The following OR6C3 variants were observed in gnomAD, a reference collection of about 807,000 sequenced individuals.
OR6C3 encodes olfactory receptor 6C3.
For synonymous variants in OR6C3, 177 were observed against 137.4 expected, an observed-to-expected ratio of 1.29 and a Z score of -2.02; for missense variants, 487 against 364.6, an observed-to-expected ratio of 1.34 and a Z score of -2.73.
chr12:55,332,234 T>C lies in OR6C3; in HGVS notation c.534T>C (p.Tyr178=), dbSNP rs766631150. 3.7e-6 allele frequency: 6 copies of C among 1,614,100 alleles called. No individual in the cohort carries two copies. In the South Asian group the frequency reaches 4.4e-5, roughly 12 times the overall value. The change falls in exon 2 of 2, where the codon TAT becomes TAC. Residue 178 remains tyrosine, a synonymous_variant. Coordinates refer to ENST00000641740, the MANE Select transcript of OR6C3 (RefSeq NM_001388498.1). The part of the protein sequence containing the change: ...SNVIDHFACD[Y]FPLLQLSCSD... The stretch of plus-strand genomic sequence containing the variant: ...TCATTGATCACTTTGCATGTGACTA[T>C]TTTCCCCTCTTACAACTATCTTGTT...
At position 55,331,695 on chromosome 12, in the gene OR6C3, C is replaced by A. The variant is rs750849246; in HGVS notation, c.-6C>A. 3.2e-6 allele frequency: 5 copies of A among 1,582,266 alleles called. No homozygotes were observed. The highest frequency in any genetic ancestry group is 1.7e-4 in the Middle Eastern group (1 of 5,952). ...GTGGAAGAAGGAGAGAGAGAAAGGA[C>A]GAGACATGAACCACACAATGGTCAC... On this transcript the variant is annotated 5_prime_UTR_variant, in exon 2 of 2. Transcript: ENST00000641740.
At chr12:55,330,522 G>A (rs911221332), upstream of OR6C3, among the ~76,000 whole-genome samples, 11 of 152,188 alleles carry the variant, frequency 7.2e-5, no homozygotes, top group African/African-American at 2.6e-4. Context: ...CTAAAATATG[G>A]AGGAGACAAC....
At position 55,331,639 on chromosome 12, in the gene OR6C3, C is replaced by T; in HGVS notation, c.-44-18C>T. On this transcript the variant is annotated intron_variant, in intron 1 of 1. Transcript: ENST00000641740. ...TCTATTTTCCTTAATTATCATTCTA[C>T]CAAAATATCTTTAAAAGAACAAAAA... The T allele has an allele frequency of 6.6e-6, 7 of 1,055,926 alleles. No homozygotes were observed. 65.4% of individuals were successfully genotyped at this position (1,055,926 alleles called of 1,614,324 possible).
At position 55,331,521 on chromosome 12, in the gene OR6C3, T is replaced by C. The variant is rs1868845459; in HGVS notation, c.-44-136T>C. The stretch of plus-strand genomic sequence containing the variant: ...GGACTTAGAAAAAAATATTAAAACA[T>C]AATGCAAACAAGATAGTCAAAACTG... On this transcript the variant is annotated intron_variant, in intron 1 of 1. Transcript: ENST00000641740. The C allele has an allele frequency of 8.0e-6, 4 of 500,980 alleles. No homozygotes were observed. The South Asian group carries it at 1.8e-4, about 22-fold the overall frequency. 31.0% of individuals were successfully genotyped at this position (500,980 alleles called of 1,614,324 possible).
Position 55,332,225 on chromosome 12 carries a change from A to C in OR6C3, c.525A>C (p.Ala175=), listed in dbSNP as rs1213126342. ...CTTCCAACGTCATTGATCACTTTGC[A>C]TGTGACTATTTTCCCCTCTTACAAC... ...YCASNVIDHF[A]CDYFPLLQLS... Residue 175 remains alanine (A), a synonymous_variant, in exon 2 of 2, where the codon GCA becomes GCC. Transcript: ENST00000641740. 1.9e-6 allele frequency: 3 copies of C among 1,613,976 alleles called. No homozygotes were observed. The highest frequency in any genetic ancestry group is 2.5e-6 in the Non-Finnish European group (3 of 1,180,028).
In OR6C3 at chr12:55,331,616, TA is replaced by T. The variant is rs552326201; in HGVS notation, c.-44-40del. On this transcript the variant is annotated intron_variant, in intron 1 of 1. Transcript: ENST00000641740. ...ATCATGATGAATTATATCTTTTATC[TA>T]TTTTCCTTAATTATCATTCTACCAA... 1.3e-3 allele frequency: 1,041 copies of T among 797,260 alleles called. 5 individuals are homozygous for T. The highest frequency in any genetic ancestry group is 0.012 in the African/African-American group (677 of 57,366). 49.4% of individuals were successfully genotyped at this position (797,260 alleles called of 1,614,324 possible). A position where few individuals can be genotyped will look rare whatever the true frequency, so the allele number is the denominator to read the frequency against.
At chr12:55,331,416 G>A (rs1307013823) in intron 1 of OR6C3, among the ~76,000 whole-genome samples, 4 of 152,040 alleles carry the variant, frequency 2.6e-5, no homozygotes, top group Non-Finnish European at 5.9e-5. Flanking sequence ...TTTATTAGCT[G>A]TTTCTCAGTG....
At position 55,331,720 on chromosome 12, in the gene OR6C3, C is replaced by G. The variant is rs1868854907; in HGVS notation, c.20C>G (p.Thr7Arg). The change falls in exon 2 of 2, where the codon ACA (threonine) becomes AGA (arginine). Residue 7 changes from threonine to arginine, a missense_variant. Thr to Arg is a moderately conservative substitution (Grantham distance 71). Coordinates refer to ENST00000641740, the MANE Select transcript of OR6C3 (RefSeq NM_001388498.1). Reference protein sequence around the residue: MNHTMVTEFVLLGLSDD... With the variant: MNHTMVREFVLLGLSDD... ...CGAGACATGAACCACACAATGGTCA[C>G]AGAGTTTGTCCTCCTGGGCCTTTCT... 1 of 1,612,488 alleles carries G rather than the reference C, an allele frequency of 6.2e-7. No individual in the cohort carries two copies. The highest frequency in any genetic ancestry group is 8.5e-7 in the Non-Finnish European group (1 of 1,178,792).
Position 55,332,544 on chromosome 12 carries a change from C to A in OR6C3, c.844C>A (p.Leu282Met). The A allele has an allele frequency of 1.2e-6, 2 of 1,613,528 alleles. No individual in the cohort carries two copies. Among genetic ancestry groups the A allele is most frequent in the Non-Finnish European group, 1.7e-6 (2 of 1,179,980 alleles). The change falls in exon 2 of 2, where the codon CTG (leucine) becomes ATG (methionine). Residue 282 changes from leucine to methionine, a missense_variant. Coordinates refer to ENST00000641740, the MANE Select transcript of OR6C3 (RefSeq NM_001388498.1). Reference sequence around the variant, plus strand: ...TCTCAATACATCTGTTGCCCCCATGCTGAACCCCTTCATTTACACTCTGAG... The same window carrying A: ...TCTCAATACATCTGTTGCCCCCATGATGAACCCCTTCATTTACACTCTGAG... ...AILNTSVAPM[L>M]NPFIYTLRNQ... is the part of the protein sequence containing the mutation.
Position 55,332,213 on chromosome 12 carries a change from T to C in OR6C3, c.513T>C (p.Ile171=). 1 of 1,614,148 alleles carries C rather than the reference T, an allele frequency of 6.2e-7. No homozygotes were observed. Among genetic ancestry groups the C allele is most frequent in the Non-Finnish European group, 8.5e-7 (1 of 1,180,024 alleles). Residue 171 remains isoleucine, a synonymous_variant, in exon 2 of 2, where the codon ATT becomes ATC. Transcript: ENST00000641740. Reference sequence around the variant, plus strand: ...TGGATTACTGTGCTTCCAACGTCATTGATCACTTTGCATGTGACTATTTTC... The same window carrying C: ...TGGATTACTGTGCTTCCAACGTCATCGATCACTTTGCATGTGACTATTTTC... The part of the protein sequence containing the change: ...LQLDYCASNV[I]DHFACDYFPL...
chr12:55,331,048 A>T (rs1237473287), intron 1 of OR6C3, among the ~76,000 whole-genome samples: 2 of 151,880 alleles, frequency 1.3e-5, no homozygotes, highest in Non-Finnish European at 1.5e-5. Flanking sequence ...TCTATCTTAT[A>T]GTAAATATAC....
chr12:55,332,560 A>G lies in OR6C3; in HGVS notation c.860A>G (p.Tyr287Cys). The change falls in exon 2 of 2, where the codon TAC (tyrosine) becomes TGC (cysteine). Residue 287 changes from tyrosine to cysteine, a missense_variant. By Grantham distance (194) the Tyr-to-Cys change is radical. Coordinates refer to ENST00000641740, the MANE Select transcript of OR6C3 (RefSeq NM_001388498.1). ...SVAPMLNPFI[Y>C]TLRNQQVKQA... ...GCCCCCATGCTGAACCCCTTCATTT[A>G]CACTCTGAGAAACCAGCAAGTAAAA... 1 of 1,612,718 alleles carries G rather than the reference A, an allele frequency of 6.2e-7. No homozygotes were observed. The highest frequency in any genetic ancestry group is 8.5e-7 in the Non-Finnish European group (1 of 1,179,856).
chr12:55,332,518 T>C lies in OR6C3; in HGVS notation c.818T>C (p.Ile273Thr). ...EKASLTKGIA[I>T]LNTSVAPMLN... is the part of the protein sequence containing the mutation. ...GCATCATTGACAAAAGGAATAGCTA[T>C]TCTCAATACATCTGTTGCCCCCATG... The change falls in exon 2 of 2, where the codon ATT becomes ACT. Residue 273 changes from isoleucine to threonine, a missense_variant. Transcript: ENST00000641740. The C allele has an allele frequency of 5.0e-6, 8 of 1,613,916 alleles. No individual in the cohort carries two copies. The highest frequency in any genetic ancestry group is 5.1e-6 in the Non-Finnish European group (6 of 1,179,940).
In OR6C3 at chr12:55,332,532, G is replaced by A. The variant is rs1173673761; in HGVS notation, c.832G>A (p.Val278Ile). Residue 278 changes from valine to isoleucine, a missense_variant, in exon 2 of 2, where the codon GTT becomes ATT. Physicochemically the swap from Val to Ile is conservative, Grantham distance 29. Coordinates refer to ENST00000641740, the MANE Select transcript of OR6C3 (RefSeq NM_001388498.1). Reference protein sequence around the residue: ...TKGIAILNTSVAPMLNPFIYT... With the variant: ...TKGIAILNTSIAPMLNPFIYT... ...AGGAATAGCTATTCTCAATACATCTGTTGCCCCCATGCTGAACCCCTTCAT... is the reference window on the plus strand; with the variant it reads ...AGGAATAGCTATTCTCAATACATCTATTGCCCCCATGCTGAACCCCTTCAT... 8.1e-6 allele frequency: 13 copies of A among 1,613,666 alleles called. No individual in the cohort carries two copies. The highest frequency in any genetic ancestry group is 1.1e-5 in the Non-Finnish European group (13 of 1,179,942).
chr12:55,331,533 G>A (rs909474273), intron 1 of OR6C3, 124 bp from the exon 2 acceptor site: 10 of 528,252 alleles, frequency 1.9e-5, no homozygotes, highest in Non-Finnish European at 3.3e-5. Context: ...ATGCAAACAA[G>A]ATAGTCAAAA....
At chr12:55,330,560 T>C (rs1041359298), upstream of OR6C3, among the ~76,000 whole-genome samples, 7 of 152,114 alleles carry the variant, frequency 4.6e-5, no homozygotes, top group Non-Finnish European at 1.0e-4. Context: ...ACAACATCTA[T>C]AGAATAGAAC....
At position 55,331,684 on chromosome 12, in the gene OR6C3, G is replaced by C; in HGVS notation, c.-17G>C. On this transcript the variant is annotated 5_prime_UTR_variant, in exon 2 of 2. Coordinates refer to ENST00000641740, the MANE Select transcript of OR6C3 (RefSeq NM_001388498.1). ...CAAAAAGGAGAGTGGAAGAAGGAGA[G>C]AGAGAAAGGACGAGACATGAACCAC... 3 of 1,541,436 alleles carry C rather than the reference G, an allele frequency of 1.9e-6. No individual in the cohort carries two copies. Among genetic ancestry groups the C allele is most frequent in the Non-Finnish European group, 2.7e-6 (3 of 1,130,880 alleles).
At chr12:55,331,179 TTTAA>T (rs1322130128) in intron 1 of OR6C3, among the ~76,000 whole-genome samples, 2 of 151,712 alleles carry the variant, frequency 1.3e-5, no homozygotes, top group African/African-American at 4.8e-5. Context: ...GCTAAAAATC[TTTAA>T]TTGGTTTCTC....
Position 55,331,667 on chromosome 12 carries a change from A to G in OR6C3, c.-34A>G. Reference sequence around the variant, plus strand: ...AAATATCTTTAAAAGAACAAAAAGGAGAGTGGAAGAAGGAGAGAGAGAAAG... The same window carrying G: ...AAATATCTTTAAAAGAACAAAAAGGGGAGTGGAAGAAGGAGAGAGAGAAAG... On this transcript the variant is annotated 5_prime_UTR_variant, in exon 2 of 2. Transcript: ENST00000641740. 12 of 1,346,136 alleles carry G rather than the reference A, an allele frequency of 8.9e-6. No individual in the cohort carries two copies. The highest frequency in any genetic ancestry group is 1.2e-5 in the Non-Finnish European group (12 of 967,240). The allele number at this position is 1,346,136 out of a possible 1,614,324, so 83.4% of individuals were successfully genotyped here.
Sources: gnomAD v4.1 joint callset for allele counts (sites outside exome capture counted in the v4.1 genomes callset) on GRCh38, gnomAD v4.1.1 for gene constraint, MANE v1.5 for transcripts, NCBI Gene and HGNC (gene_info 2026-07-23, HGNC 2026-07-21) for gene names.